Variants in CMTM8 observed in about 807,000 individuals in gnomAD.
The protein encoded by CMTM8 is CKLF like MARVEL transmembrane domain containing 8.
CMTM8 carries 12 observed loss-of-function variants against 18.6 expected under a neutral mutation model. The ratio of observed to expected loss-of-function variants is 0.65; its 90% confidence interval spans 0.41 to 1.05. CMTM8 has a LOEUF of 1.05. Among genes scored for constraint, CMTM8 ranks in the 50% least tolerant of loss-of-function variants. The pLI, the probability that CMTM8 is intolerant of heterozygous loss-of-function variation, is 0.00. For synonymous variants in CMTM8, 87 were observed against 90.6 expected (o/e 0.96, Z 0.23); for missense variants, 217 against 227.2 (o/e 0.95, Z 0.29).
chr3:32,334,493 A>C (rs963841896), intron 1 of CMTM8, among the ~76,000 whole-genome samples: 2 of 151,596 alleles, frequency 1.3e-5, no homozygotes, highest in African/African-American at 2.4e-5. Flanking sequence ...GTAGTCCCAG[A>C]CACTCGGGAG....
chr3:32,357,609 A>G (rs1696842191), intron 2 of CMTM8, 63 bp downstream of exon 2: 2 of 1,523,696 alleles, frequency 1.3e-6, no homozygotes. Flanking sequence ...TTAGTCCTCT[A>G]CTAGTCAATC....
At chr3:32,354,111 A>C (rs1398246516) in intron 1 of CMTM8, among the ~76,000 whole-genome samples, 1 of 151,872 alleles carries the variant, frequency 6.6e-6, no homozygotes, top group Non-Finnish European at 1.5e-5. Context: ...ACCTGCATTT[A>C]TCACTGAAAT....
At chr3:32,321,355 G>A (rs967892721) in intron 1 of CMTM8, among the ~76,000 whole-genome samples, 1 of 152,112 alleles carries the variant, frequency 6.6e-6, no homozygotes, top group Non-Finnish European at 1.5e-5. Context: ...CGTGCGACGG[G>A]GGCTTGGGTG....
intron 1 of CMTM8, among the ~76,000 whole-genome samples, chr3:32,342,220 C>T (rs1432936693): frequency 2.0e-5 from 3 of 152,116 alleles, no homozygotes; most frequent in African/African-American, 7.2e-5. Flanking sequence ...TGCAGTCCAG[C>T]GTAGGCAACA....
intron 1 of CMTM8, among the ~76,000 whole-genome samples, chr3:32,295,870 C>T (rs1256286120): frequency 6.6e-6 from 1 of 152,184 alleles, no homozygotes; most frequent in African/African-American, 2.4e-5. Flanking sequence ...ACCCTACGTT[C>T]CAGCTCCACT....
intron 1 of CMTM8, among the ~76,000 whole-genome samples, chr3:32,344,799 G>A (rs1012452495): frequency 1.3e-5 from 2 of 152,174 alleles, no homozygotes; most frequent in Admixed American, 6.5e-5. Flanking sequence ...GGAGGCTGAG[G>A]TGGGAGAATC....
At chr3:32,266,552 G>A (rs1306878674) in intron 1 of CMTM8, among the ~76,000 whole-genome samples, 3 of 152,208 alleles carry the variant, frequency 2.0e-5, no homozygotes, top group Non-Finnish European at 4.4e-5. Context: ...ACGAGACAGG[G>A]ATGCCCTCTC....
rs561418506 is a variant in CMTM8, at chr3:32,306,314, A to G, written c.148-51059A>G. 2.0e-5 allele frequency among the ~76,000 whole-genome samples: 3 copies of G among 152,318 alleles called. 1 individual carries two copies. In the South Asian group the frequency reaches 6.2e-4, roughly 32 times the overall value. On this transcript the variant is annotated intron_variant, in intron 1 of 3. Transcript: ENST00000307526. ...GTGCAAGGCCTATACTTGGAACTTG[A>G]CCACAGTCATTTCTGCCATATTCTG...
At chr3:32,270,875 A>T (rs35559038) in intron 1 of CMTM8, among the ~76,000 whole-genome samples, 68,011 of 151,732 alleles carry the variant, frequency 0.45, 16,394 homozygotes, top group Middle Eastern at 0.62. Context: ...ATAATAATAA[A>T]AAAATAATAA....
chr3:32,271,973 T>G (rs1236247633), intron 1 of CMTM8, among the ~76,000 whole-genome samples: 1 of 152,234 alleles, frequency 6.6e-6, no homozygotes, highest in African/African-American at 2.4e-5. Flanking sequence ...TTAGCTTTAC[T>G]CACAACCCAC....
At chr3:32,348,448 G>GT (rs1696643171) in intron 1 of CMTM8, among the ~76,000 whole-genome samples, 1 of 147,292 alleles carries the variant, frequency 6.8e-6, no homozygotes, top group Non-Finnish European at 1.5e-5. Context: ...GAAATTCTGA[G>GT]TTTTCTTGAG....
At chr3:32,308,510 G>C (rs765455299) in intron 1 of CMTM8, among the ~76,000 whole-genome samples, 1 of 152,202 alleles carries the variant, frequency 6.6e-6, no homozygotes, top group Non-Finnish European at 1.5e-5. Context: ...GAGTGCACTA[G>C]AGTTGGAAAG....
intron 1 of CMTM8, among the ~76,000 whole-genome samples, chr3:32,257,023 G>T (rs936984077): frequency 3.3e-5 from 5 of 152,150 alleles, no homozygotes; most frequent in African/African-American, 1.2e-4. Flanking sequence ...TATCTCCCTA[G>T]ATACCACTGT....
At chr3:32,295,479 C>CAAAAAAAA (rs58774314) in intron 1 of CMTM8, among the ~76,000 whole-genome samples, 2 of 82,466 alleles carry the variant, frequency 2.4e-5, no homozygotes, top group Non-Finnish European at 4.2e-5. Context: ...AAAAAAAAAA[C>CAAAAAAAA]AAAACAAAAC....
chr3:32,363,481 C>T (rs1220708719), intron 2 of CMTM8, among the ~76,000 whole-genome samples: 2 of 152,204 alleles, frequency 1.3e-5, no homozygotes, highest in Admixed American at 6.5e-5. Context: ...ACATCTCCTT[C>T]CAAAGGAGGC....
intron 1 of CMTM8, among the ~76,000 whole-genome samples, chr3:32,316,889 CT>C (rs1385148813): frequency 2.0e-5 from 3 of 152,220 alleles, no homozygotes; most frequent in Non-Finnish European, 4.4e-5. Context: ...TGGTAGATAT[CT>C]TCCTATGATA....
chr3:32,337,534 T>C (rs997341825), intron 1 of CMTM8, among the ~76,000 whole-genome samples: 2 of 152,216 alleles, frequency 1.3e-5, no homozygotes, highest in East Asian at 3.8e-4. Flanking sequence ...AGATTTGTGT[T>C]CTTTGTGAGT....
At chr3:32,271,297 G>T (rs1277964487) in intron 1 of CMTM8, among the ~76,000 whole-genome samples, 3 of 152,038 alleles carry the variant, frequency 2.0e-5, no homozygotes, top group Non-Finnish European at 2.9e-5. Flanking sequence ...CGGTAATTTT[G>T]TATTTGTAGT....
chr3:32,353,465 A>C (rs936843886), intron 1 of CMTM8, among the ~76,000 whole-genome samples: 5 of 152,202 alleles, frequency 3.3e-5, no homozygotes, highest in African/African-American at 1.2e-4. Flanking sequence ...AGACAACCTA[A>C]ATTTCTATCA....
Sources: allele counts gnomAD v4.1 joint callset (sites outside exome capture counted in the v4.1 genomes callset), GRCh38; gene constraint gnomAD v4.1.1; transcripts MANE v1.5; gene names NCBI Gene and HGNC (gene_info 2026-07-23, HGNC 2026-07-21).